Variants in ADAMTSL1 observed in about 807,000 individuals in gnomAD.
ADAMTSL1 encodes ADAMTS-like protein 1.
Under a neutral mutation model 201.8 loss-of-function variants are expected in ADAMTSL1, and 126 were observed. The ratio of observed to expected loss-of-function variants is 0.62; its 90% CI spans 0.54 to 0.72. The LOEUF (loss-of-function observed/expected upper bound fraction) is 0.72, where lower values mean the gene tolerates loss of function less well. Among genes scored for constraint, ADAMTSL1 ranks in the 30% least tolerant of loss-of-function variants. The pLI is 0.00. For missense variants in ADAMTSL1, 2,679 were observed against 2,277.8 expected, an observed-to-expected ratio of 1.18 and a Z score of -3.59; for synonymous variants, 1,121 against 903.4, an observed-to-expected ratio of 1.24 and a Z score of -4.32.
intron 2 of ADAMTSL1, among the ~76,000 whole-genome samples, chr9:18,274,573 A>T (rs1587446377): frequency 6.6e-6 from 1 of 151,932 alleles, no homozygotes; most frequent in African/African-American, 2.4e-5. Context: ...AAAAAAAAAT[A>T]TTCATTATGC....
chr9:18,715,944 C>A (rs1211444462), intron 14 of ADAMTSL1, among the ~76,000 whole-genome samples: 1 of 151,510 alleles, frequency 6.6e-6, no homozygotes, highest in Non-Finnish European at 1.5e-5. Context: ...ATATCTACAA[C>A]TATCTGATCT....
At chr9:18,636,240 A>G (rs1403032944) in intron 6 of ADAMTSL1, among the ~76,000 whole-genome samples, 1 of 152,176 alleles carries the variant, frequency 6.6e-6, no homozygotes, top group Non-Finnish European at 1.5e-5. Context: ...TACAAAATAG[A>G]TGCTCCCAAT....
chr9:18,015,187 G>C (rs1475465849), intron 1 of ADAMTSL1, among the ~76,000 whole-genome samples: 2 of 152,008 alleles, frequency 1.3e-5, no homozygotes, highest in Non-Finnish European at 2.9e-5. Flanking sequence ...GTACACATGG[G>C]AATGAGTTGG....
At chr9:18,905,652 G>A in intron 26 of ADAMTSL1, 130 bp from the exon 27 acceptor site, 1 of 662,298 alleles carries the variant, frequency 1.5e-6, no homozygotes, top group East Asian at 2.8e-5. Flanking sequence ...CCAAAGAGGG[G>A]AAAGATGAAT....
At chr9:18,150,531 A>T (rs1161174295) in intron 1 of ADAMTSL1, among the ~76,000 whole-genome samples, 1 of 152,072 alleles carries the variant, frequency 6.6e-6, no homozygotes, top group African/African-American at 2.4e-5. Context: ...AAGTATAGTG[A>T]AGACTTCTTT....
intron 12 of ADAMTSL1, among the ~76,000 whole-genome samples, chr9:18,684,420 C>G (rs1281022380): frequency 6.6e-6 from 1 of 152,142 alleles, no homozygotes; most frequent in Non-Finnish European, 1.5e-5. Flanking sequence ...TTCGATGATT[C>G]TTTATATGCA....
chr9:18,829,758 A>C (rs1186879733), intron 22 of ADAMTSL1, 85 bp from the exon 23 acceptor site: 1 of 1,520,582 alleles, frequency 6.6e-7, no homozygotes, highest in Non-Finnish European at 9.0e-7. Context: ...ATACATGTGC[A>C]CACACATGCA....
chr9:18,745,598 A>G lies in ADAMTSL1; in HGVS notation c.2007-7700A>G, dbSNP rs550303470. ...GATCTGGGCACTCGATTTGCTTGATACTACTGGGATGTCATTGCTTCTAGG... is the reference window on the plus strand; with the variant it reads ...GATCTGGGCACTCGATTTGCTTGATGCTACTGGGATGTCATTGCTTCTAGG... On this transcript the variant is annotated intron_variant, in intron 15 of 28. Coordinates refer to ENST00000380548, the MANE Select transcript of ADAMTSL1 (RefSeq NM_001040272.6). Among the ~76,000 whole-genome samples the G allele has an allele frequency of 2.3e-3, 354 of 152,316 alleles. 3 individuals are homozygous for G. Among genetic ancestry groups the G allele is most frequent in the African/African-American group, 8.0e-3 (334 of 41,570 alleles).
intron 2 of ADAMTSL1, among the ~76,000 whole-genome samples, chr9:18,233,990 C>A (rs1411201098): frequency 6.6e-6 from 1 of 152,160 alleles, no homozygotes; most frequent in Non-Finnish European, 1.5e-5. Flanking sequence ...AACATGTGAG[C>A]ACTTGACTGT....
At chr9:18,032,947 G>C (rs117217405) in intron 1 of ADAMTSL1, among the ~76,000 whole-genome samples, 3,513 of 152,090 alleles carry the variant, frequency 0.023, 80 homozygotes, top group Non-Finnish European at 0.033. Context: ...CCTCTCTATT[G>C]ACTTTAGCTG....
At chr9:18,411,499 T>A (rs1452963865) in intron 2 of ADAMTSL1, among the ~76,000 whole-genome samples, 1 of 152,184 alleles carries the variant, frequency 6.6e-6, no homozygotes, top group African/African-American at 2.4e-5. Flanking sequence ...ATACCTGGCC[T>A]GATGGGTAGA....
At chr9:18,082,193 T>C (rs755805357) in intron 1 of ADAMTSL1, among the ~76,000 whole-genome samples, 15 of 152,224 alleles carry the variant, frequency 9.9e-5, no homozygotes, top group Non-Finnish European at 1.8e-4. Flanking sequence ...ATAGCTTTAT[T>C]TTGTCAAATA....
At chr9:17,944,147 A>G (rs550410592) in intron 1 of ADAMTSL1, among the ~76,000 whole-genome samples, 1 of 152,200 alleles carries the variant, frequency 6.6e-6, no homozygotes, top group Admixed American at 6.6e-5. Context: ...TATCCTTTAG[A>G]AAATCATTCT....
At chr9:18,603,481 A>C (rs986999107) in intron 4 of ADAMTSL1, among the ~76,000 whole-genome samples, 7 of 152,166 alleles carry the variant, frequency 4.6e-5, no homozygotes. Context: ...CAGTAGAAGA[A>C]CAGTGAGTGC....
rs776046209 is a variant in ADAMTSL1 at position 18,314,782 on chromosome 9, C to CTTTTTTTTTTTTTTTTTTT, written c.207+150815_207+150833dup. ...TGCCACTGCTGCCTTCGGCAGCGTG[C>CTTTTTTTTTTTTTTTTTTT]TTTTTTTTTTTTTTTTTTTTTTTTT... On this transcript the variant is annotated intron_variant, in intron 2 of 29. Coordinates refer to the ADAMTSL1 transcript ENST00000680146. Among the ~76,000 whole-genome samples, 2 of 49,840 alleles carry CTTTTTTTTTTTTTTTTTTT rather than the reference C, an allele frequency of 4.0e-5. 1 individual carries two copies. The highest frequency in any genetic ancestry group is 7.1e-5 in the Non-Finnish European group (2 of 28,074). The allele number at this position is 49,840 out of a possible 152,430, so 32.7% of individuals were successfully genotyped here.
chr9:17,961,360 T>TGCCTCC (rs1199264429), intron 1 of ADAMTSL1, among the ~76,000 whole-genome samples: 9 of 152,136 alleles, frequency 5.9e-5, no homozygotes, highest in African/African-American at 1.9e-4. Context: ...GTGATTCTCC[T>TGCCTCC]GCCTCCGCCT....
At chr9:18,026,155 A>G (rs562385318) in intron 1 of ADAMTSL1, among the ~76,000 whole-genome samples, 1 of 152,114 alleles carries the variant, frequency 6.6e-6, no homozygotes, top group African/African-American at 2.4e-5. Flanking sequence ...ATCAGTAAAG[A>G]GAGATTATTT....
chr9:18,413,456 T>C (rs529252007), intron 2 of ADAMTSL1, among the ~76,000 whole-genome samples: 2 of 152,300 alleles, frequency 1.3e-5, no homozygotes, highest in South Asian at 2.1e-4. Context: ...TGGGCCACCA[T>C]GCCCGGCCAG....
At chr9:18,305,817 A>G (rs1833887009) in intron 2 of ADAMTSL1, among the ~76,000 whole-genome samples, 1 of 152,148 alleles carries the variant, frequency 6.6e-6, no homozygotes, top group South Asian at 2.1e-4. Flanking sequence ...GTTGGCCTTG[A>G]AGAGAGCAGT....
Sources: gnomAD v4.1 joint callset for allele counts (sites outside exome capture counted in the v4.1 genomes callset) on GRCh38, gnomAD v4.1.1 for gene constraint, MANE v1.5 for transcripts, NCBI Gene and HGNC (gene_info 2026-07-23, HGNC 2026-07-21) for gene names.